EFR3A: variants seen among roughly 807,000 people sequenced by gnomAD.
EFR3A encodes the protein protein EFR3 homolog A.
In EFR3A, 76 loss-of-function variants were observed where a neutral mutation model predicts 104.4. The ratio of observed to expected loss-of-function variants is 0.73; its 90% CI spans 0.60 to 0.88. The LOEUF is 0.88. Ranked by LOEUF, EFR3A falls within the 40% of genes least tolerant of loss-of-function variation. The pLI is 0.00. For synonymous variants in EFR3A, 330 were observed against 330.0 expected, an observed-to-expected ratio of 1.00 and a Z score of 0.00; for missense variants, 985 against 1,012.5, an observed-to-expected ratio of 0.97 and a Z score of 0.37.
At position 131,959,677 on chromosome 8, in the gene EFR3A, A is replaced by C. The variant is rs368520363; in HGVS notation, c.855+14A>C. 1 of 1,585,394 alleles carries C rather than the reference A, an allele frequency of 6.3e-7. No homozygotes were observed. Among genetic ancestry groups the C allele is most frequent in the African/African-American group, 1.4e-5 (1 of 73,946 alleles). On this transcript the variant is annotated intron_variant, in intron 8 of 22. Coordinates refer to ENST00000254624, the MANE Select transcript of EFR3A (RefSeq NM_015137.6). ...TATTCCATTCAGGTAAGGTTTGATT[A>C]ACTATTTACTGTATTTATATAAGTA... is the stretch of plus-strand genomic sequence containing the variant.
At chr8:131,961,128 A>C in intron 8 of EFR3A, among the ~76,000 whole-genome samples, 1 of 152,198 alleles carries the variant, frequency 6.6e-6, no homozygotes, top group East Asian at 1.9e-4. Context: ...GAGCAGAAAA[A>C]CTGAAAATTC....
chr8:131,941,765 T>C (rs1423013458), intron 2 of EFR3A, among the ~76,000 whole-genome samples: 5 of 152,074 alleles, frequency 3.3e-5, no homozygotes, highest in African/African-American at 1.2e-4. Flanking sequence ...TTTGCTGAGC[T>C]TTGAAGTATG....
At chr8:131,964,607 T>C (rs1819590558) in intron 8 of EFR3A, among the ~76,000 whole-genome samples, 1 of 152,176 alleles carries the variant, frequency 6.6e-6, no homozygotes, top group Admixed American at 6.5e-5. Flanking sequence ...TCCATGCTCA[T>C]GGTAGAAGAA....
chr8:131,950,787 A>G (rs1004825029), intron 5 of EFR3A, among the ~76,000 whole-genome samples: 14 of 152,272 alleles, frequency 9.2e-5, no homozygotes, highest in Admixed American at 4.6e-4. Context: ...CTGAATCACT[A>G]TCCATCTGAG....
In EFR3A at chr8:131,977,056, G is replaced by C; in HGVS notation, c.1290G>C (p.Arg430Ser). 1 of 1,601,708 alleles carries C rather than the reference G, an allele frequency of 6.2e-7. No homozygotes were observed. Among genetic ancestry groups the C allele is most frequent in the Non-Finnish European group, 8.5e-7 (1 of 1,173,438 alleles). ...DISQLGDLGT[R>S]RIQIMLLRSL... ...TATATTTTAGGGATTTGGGAACCAG[G>C]AGAATTCAGATAATGTTGCTGAGAT... The change falls in exon 12 of 23, where the codon AGG becomes AGC. Residue 430 changes from arginine to serine, a missense_variant. By Grantham distance (110) the Arg-to-Ser change is moderately radical. Coordinates refer to ENST00000254624, the MANE Select transcript of EFR3A (RefSeq NM_015137.6).
At chr8:131,959,532 G>A in intron 7 of EFR3A, 53 bp from the exon 8 acceptor site, 1 of 1,457,880 alleles carries the variant, frequency 6.9e-7, no homozygotes, top group Non-Finnish European at 9.5e-7. Flanking sequence ...GGTTTCTAGA[G>A]GAAGAAAGTA....
chr8:131,906,866 C>T (rs1413973645), intron 1 of EFR3A, among the ~76,000 whole-genome samples: 1 of 152,134 alleles, frequency 6.6e-6, no homozygotes, highest in African/African-American at 2.4e-5. Context: ...TTTCTAGAGG[C>T]CTTTATTTCA....
intron 5 of EFR3A, 121 bp downstream of exon 5, chr8:131,950,211 C>A: frequency 9.6e-7 from 1 of 1,046,174 alleles, no homozygotes; most frequent in Non-Finnish European, 1.3e-6. Context: ...CTTTCCATTG[C>A]TGTTAGAAGC....
In EFR3A at chr8:132,002,642, G is replaced by A. The variant is rs373785636; in HGVS notation, c.2246G>A (p.Arg749His). The change falls in exon 21 of 23, where the codon CGT (arginine) becomes CAT (histidine). Residue 749 changes from arginine (R) to histidine (H), a missense_variant. Coordinates refer to ENST00000254624, the MANE Select transcript of EFR3A (RefSeq NM_015137.6). ...GAAGAACAGGAAAAGGAAAAGAGGCGTCTTGTGATAGAGAAATTTCAGAAA... is the reference window on the plus strand; with the variant it reads ...GAAGAACAGGAAAAGGAAAAGAGGCATCTTGTGATAGAGAAATTTCAGAAA... ...GMEEQEKEKR[R>H]LVIEKFQKAP... The A allele has an allele frequency of 4.6e-5, 74 of 1,613,600 alleles. No individual in the cohort carries two copies. The highest frequency in any genetic ancestry group is 2.0e-4 in the South Asian group (18 of 91,066).
In EFR3A at chr8:131,979,022, A is replaced by G; in HGVS notation, c.1499+3A>G. The G allele has an allele frequency of 6.3e-7, 1 of 1,599,616 alleles. No homozygotes were observed. The highest frequency in any genetic ancestry group is 1.7e-4 in the Middle Eastern group (1 of 6,004). Reference sequence around the variant, plus strand: ...AGGGCAAAGCTTCGAGGGATCAGGTAATGTGCCATTTTGAAATGGATCTAA... The same window carrying G: ...AGGGCAAAGCTTCGAGGGATCAGGTGATGTGCCATTTTGAAATGGATCTAA... On this transcript the variant is annotated splice_donor_region_variant and intron_variant, in intron 13 of 22. Coordinates refer to ENST00000254624, the MANE Select transcript of EFR3A (RefSeq NM_015137.6).
chr8:131,904,386 G>A (rs981162063), intron 1 of EFR3A, 64 bp downstream of exon 1: 3 of 1,232,396 alleles, frequency 2.4e-6, no homozygotes, highest in African/African-American at 1.6e-5. Flanking sequence ...CGCTTGGGCC[G>A]GGTACTCCTC....
At chr8:131,981,044 TAC>T (rs796768406) in intron 14 of EFR3A, among the ~76,000 whole-genome samples, 45 of 60,196 alleles carry the variant, frequency 7.5e-4, no homozygotes, top group Middle Eastern at 7.0e-3. Flanking sequence ...TATATATATA[TAC>T]ACACACTACA....
intron 16 of EFR3A, 95 bp downstream of exon 16, chr8:131,985,155 T>C (rs1820812700): frequency 8.0e-7 from 1 of 1,248,780 alleles, no homozygotes; most frequent in Non-Finnish European, 1.1e-6. Flanking sequence ...TGATTACGTA[T>C]CAAATTAAGG....
intron 5 of EFR3A, among the ~76,000 whole-genome samples, chr8:131,952,605 AG>A (rs113122259): frequency 0.022 from 3,309 of 152,246 alleles, 57 homozygotes; most frequent in Middle Eastern, 0.044. Flanking sequence ...TATGTAAAGC[AG>A]GCACCTTGTG....
At chr8:131,995,222 CCTAA>C (rs1366856397) in intron 18 of EFR3A, among the ~76,000 whole-genome samples, 3 of 152,086 alleles carry the variant, frequency 2.0e-5, no homozygotes, top group Admixed American at 1.3e-4. Context: ...CGATGGCTAG[CCTAA>C]CTTTTACTCA....
chr8:131,994,140 G>T (rs1161195826), intron 18 of EFR3A, among the ~76,000 whole-genome samples: 1 of 152,092 alleles, frequency 6.6e-6, no homozygotes, highest in Non-Finnish European at 1.5e-5. Context: ...CTACTCGGGA[G>T]GCTAAAATGG....
intron 10 of EFR3A, among the ~76,000 whole-genome samples, chr8:131,975,740 C>T (rs577233238): frequency 1.3e-5 from 2 of 152,070 alleles, no homozygotes; most frequent in South Asian, 4.1e-4. Context: ...TTCTAAAACT[C>T]CAGTCAACTC....
At chr8:132,009,484 A>G (rs1311398845) in intron 22 of EFR3A, among the ~76,000 whole-genome samples, 4 of 152,120 alleles carry the variant, frequency 2.6e-5, no homozygotes, top group Admixed American at 2.0e-4. Context: ...GTAGAAAAAC[A>G]TATGACAGAT....
chr8:131,979,958 A>T (rs1189654573), intron 14 of EFR3A, among the ~76,000 whole-genome samples: 1 of 152,138 alleles, frequency 6.6e-6, no homozygotes, highest in African/African-American at 2.4e-5. Context: ...AATTTAGAAG[A>T]TTATGATATT....
Sources: allele counts gnomAD v4.1 joint callset (sites outside exome capture counted in the v4.1 genomes callset), GRCh38; gene constraint gnomAD v4.1.1; transcripts MANE v1.5; gene names NCBI Gene and HGNC (gene_info 2026-07-23, HGNC 2026-07-21).